The following ATP1A4 variants were observed in gnomAD, a reference collection of about 807,000 sequenced individuals.
The protein encoded by ATP1A4 is sodium/potassium-transporting ATPase subunit alpha-4.
Under a neutral mutation model 114.3 loss-of-function variants are expected in ATP1A4, and 90 were observed. That is an observed-to-expected ratio of 0.79 (90% confidence interval 0.66 to 0.94). ATP1A4 has a LOEUF of 0.94. Ranked by LOEUF, ATP1A4 falls within the 40% of genes least tolerant of loss-of-function variation. The probability of loss-of-function intolerance (pLI) is 0.00; values close to 1 mark genes in which losing one functional copy is unlikely to be tolerated. For synonymous variants in ATP1A4, 511 were observed against 494.1 expected, an observed-to-expected ratio of 1.03 and a Z score of -0.45; for missense variants, 1,222 against 1,313.6, an observed-to-expected ratio of 0.93 and a Z score of 1.08.
chr1:160,181,152 C>G (rs1305909991), intron 18 of ATP1A4, among the ~76,000 whole-genome samples: 1 of 152,164 alleles, frequency 6.6e-6, no homozygotes, highest in Non-Finnish European at 1.5e-5. Flanking sequence ...AAGGCAAGTG[C>G]TTGTTCTTGA....
At chr1:160,158,235 C>G (rs1223386149) in intron 4 of ATP1A4, among the ~76,000 whole-genome samples, 1 of 152,190 alleles carries the variant, frequency 6.6e-6, no homozygotes, top group South Asian at 2.1e-4. Flanking sequence ...ATCCACATGT[C>G]TGGGCCCTTA....
At chr1:160,159,639 G>T in intron 6 of ATP1A4, 113 bp downstream of exon 6, 2 of 902,056 alleles carry the variant, frequency 2.2e-6, no homozygotes, top group Non-Finnish European at 1.7e-6. Context: ...AAAAAGTCGA[G>T]CTTCTCCATC....
At chr1:160,177,442 C>G (rs920721512) in intron 17 of ATP1A4, 77 bp from the exon 18 acceptor site, 1 of 1,538,522 alleles carries the variant, frequency 6.5e-7, no homozygotes, top group Non-Finnish European at 8.9e-7. Context: ...GTCCCAGCCC[C>G]CAGCCCTCCC....
At chr1:160,183,973 G>A (rs1437149710) in intron 20 of ATP1A4, among the ~76,000 whole-genome samples, 1 of 131,962 alleles carries the variant, frequency 7.6e-6, no homozygotes, top group African/African-American at 2.8e-5. Context: ...TTTTTTTTGA[G>A]ATGGAGTGTC....
rs371081653 is a variant in ATP1A4, at chr1:160,167,034, G to C, written c.1313G>C (p.Arg438Pro). Residue 438 changes from arginine (R) to proline (P), a missense_variant, in exon 9 of 22, where the codon CGG becomes CCG. Arg to Pro is a moderately radical substitution (Grantham distance 103). Coordinates refer to ENST00000368081, the MANE Select transcript of ATP1A4 (RefSeq NM_144699.4). ...GCCCGAATCGCTGGCCTCTGCAACC[G>C]GGCTGACTTTAAGGCTAATCAGGAG... ...MLARIAGLCNRADFKANQEIL... is the reference protein window; with the variant it reads ...MLARIAGLCNPADFKANQEIL... The C allele has an allele frequency of 6.2e-7, 1 of 1,613,978 alleles. No homozygotes were observed. Among genetic ancestry groups the C allele is most frequent in the African/African-American group, 1.3e-5 (1 of 74,868 alleles).
intron 15 of ATP1A4, among the ~76,000 whole-genome samples, chr1:160,175,560 T>C (rs1191097353): frequency 1.3e-5 from 2 of 151,766 alleles, no homozygotes; most frequent in East Asian, 3.9e-4. Flanking sequence ...TTAAATTATA[T>C]AGTATGTTAA....
intron 3 of ATP1A4, 134 bp from the exon 4 acceptor site, chr1:160,155,911 A>C (rs1357766379): frequency 3.3e-6 from 2 of 611,172 alleles, no homozygotes; most frequent in Admixed American, 5.3e-5. Flanking sequence ...ATTCTTCTCT[A>C]CCCCTCTGCT....
intron 6 of ATP1A4, among the ~76,000 whole-genome samples, chr1:160,162,447 T>C (rs1338634097): frequency 1.3e-5 from 2 of 152,148 alleles, no homozygotes; most frequent in African/African-American, 4.8e-5. Flanking sequence ...GCCCAGCTGT[T>C]ATGGCCCGTG....
At chr1:160,174,849 A>ATGGAG in intron 15 of ATP1A4, 102 bp downstream of exon 15, 1 of 1,531,014 alleles carries the variant, frequency 6.5e-7, no homozygotes, top group Non-Finnish European at 8.8e-7. Context: ...AACCTCCATG[A>ATGGAG]GCCTGTACGG....
In ATP1A4 at chr1:160,174,590, G is replaced by A; in HGVS notation, c.2154G>A (p.Val718=). 3 of 1,613,852 alleles carry A rather than the reference G, an allele frequency of 1.9e-6. No individual in the cohort carries two copies. The highest frequency in any genetic ancestry group is 2.5e-6 in the Non-Finnish European group (3 of 1,179,758). Reference sequence around the variant, plus strand: ...CTGGACTTCCTCAGGGAGCCGTTGTGGCCGTGACAGGTGACGGGGTGAACG... The same window carrying A: ...CTGGACTTCCTCAGGGAGCCGTTGTAGCCGTGACAGGTGACGGGGTGAACG... ...VEGCQRLGAV[V]AVTGDGVNDS... Residue 718 remains valine, a synonymous_variant, in exon 15 of 22, where the codon GTG becomes GTA. Transcript: ENST00000368081.
intron 14 of ATP1A4, 78 bp downstream of exon 14, chr1:160,174,339 C>A: frequency 2.5e-6 from 4 of 1,588,644 alleles, no homozygotes; most frequent in South Asian, 2.3e-5. Context: ...AGCAGAGGAA[C>A]ATGTGGGCTG....
intron 18 of ATP1A4, among the ~76,000 whole-genome samples, chr1:160,180,296 G>A (rs1653633377): frequency 6.6e-6 from 1 of 152,154 alleles, no homozygotes; most frequent in Admixed American, 6.5e-5. Flanking sequence ...GCCACATCCC[G>A]TGGGGTTTGA....
Position 160,173,644 on chromosome 1 carries a change from A to G in ATP1A4, c.1918A>G (p.Ile640Val), listed in dbSNP as rs1460505080. The G allele has an allele frequency of 1.9e-6, 3 of 1,614,176 alleles. No individual in the cohort carries two copies. Among genetic ancestry groups the G allele is most frequent in the Non-Finnish European group, 2.5e-6 (3 of 1,180,022 alleles). ...AKAIAKGVGI[I>V]SEGTETAEEV... Reference sequence around the variant, plus strand: ...GGCCATTGCCAAGGGTGTGGGCATCATCTCAGAAGGCACTGAGACGGCAGA... The same window carrying G: ...GGCCATTGCCAAGGGTGTGGGCATCGTCTCAGAAGGCACTGAGACGGCAGA... The change falls in exon 13 of 22, where the codon ATC becomes GTC. Residue 640 changes from isoleucine (I) to valine (V), a missense_variant. Physicochemically the swap from Ile to Val is conservative, Grantham distance 29. Coordinates refer to ENST00000368081, the MANE Select transcript of ATP1A4 (RefSeq NM_144699.4).
At chr1:160,160,211 CT>C (rs1465364685) in intron 6 of ATP1A4, among the ~76,000 whole-genome samples, 1 of 152,014 alleles carries the variant, frequency 6.6e-6, no homozygotes, top group African/African-American at 2.4e-5. Context: ...AAAAATAGTT[CT>C]TTTGTTTGTT....
rs754497413 is a variant in ATP1A4 at position 160,156,067 on chromosome 1, C to G, written c.434C>G (p.Ser145Cys). ...KDNLYLSIVL[S>C]VVVIVTGCFS... ...CAGCTCTACCTGAGCATCGTACTGT[C>G]CGTCGTGGTCATCGTCACTGGCTGC... Residue 145 changes from serine to cysteine, a missense_variant, in exon 4 of 22, where the codon TCC becomes TGC. Ser to Cys is a moderately radical substitution (Grantham distance 112). Transcript: ENST00000368081. 6.2e-6 allele frequency: 10 copies of G among 1,613,524 alleles called. No homozygotes were observed. Among genetic ancestry groups the G allele is most frequent in the Non-Finnish European group, 8.5e-6 (10 of 1,179,446 alleles).
rs1156558223 is a variant in ATP1A4, at chr1:160,186,909, G to A, written c.*210G>A. 9 of 624,562 alleles carry A rather than the reference G, an allele frequency of 1.4e-5. No individual in the cohort carries two copies. The highest frequency in any genetic ancestry group is 9.1e-5 in the African/African-American group (5 of 54,868). The allele number at this position is 624,562 out of a possible 1,614,324, so 38.7% of individuals were successfully genotyped here. On this transcript the variant is annotated 3_prime_UTR_variant, in exon 22 of 22. Transcript: ENST00000368081. ...CCAGCCTGCATCTAGCTGGAGCCCC[G>A]CAGGGAGGGGCATGGTCCTGCTGAA...
At position 160,151,731 on chromosome 1, in the gene ATP1A4, C is replaced by T. The variant is rs1652460608; in HGVS notation, c.-310C>T. The T allele has an allele frequency of 3.8e-6, 1 of 266,454 alleles. No individual in the cohort carries two copies. The highest frequency in any genetic ancestry group is 7.2e-6 in the Non-Finnish European group (1 of 138,976). The allele number at this position is 266,454 out of a possible 1,614,324, so 16.5% of individuals were successfully genotyped here. ...TCTTGTTTCCTGCCCTCACTGCATT[C>T]CCTCACCTCTACCTTTTTATCCTTC... On this transcript the variant is annotated 5_prime_UTR_variant, in exon 1 of 22. Coordinates refer to ENST00000368081, the MANE Select transcript of ATP1A4 (RefSeq NM_144699.4).
In ATP1A4 at chr1:160,176,548, A is replaced by C; in HGVS notation, c.2536A>C (p.Lys846Gln). Residue 846 changes from lysine to glutamine, a missense_variant, in exon 17 of 22, where the codon AAG becomes CAG. Transcript: ENST00000368081. Reference sequence around the variant, plus strand: ...CATGAAGAGGCTTCCAAGGAACCCAAAGACGGATAATCTGGTGAACCACCG... The same window carrying C: ...CATGAAGAGGCTTCCAAGGAACCCACAGACGGATAATCTGGTGAACCACCG... ...DIMKRLPRNP[K>Q]TDNLVNHRLI... 6.2e-7 allele frequency: 1 copy of C among 1,614,176 alleles called. No homozygotes were observed. The highest frequency in any genetic ancestry group is 8.5e-7 in the Non-Finnish European group (1 of 1,180,038).
In ATP1A4 at chr1:160,174,797, G is replaced by T. The variant is rs562194226; in HGVS notation, c.2311+50G>T. ...GGAGACTTCAACCCTGGACTCAGGTGGGGGTTGGTGTACATCCCCTCTTTC... is the reference window on the plus strand; with the variant it reads ...GGAGACTTCAACCCTGGACTCAGGTTGGGGTTGGTGTACATCCCCTCTTTC... On this transcript the variant is annotated intron_variant, in intron 15 of 21. Coordinates refer to ENST00000368081, the MANE Select transcript of ATP1A4 (RefSeq NM_144699.4). 2.1e-4 allele frequency: 343 copies of T among 1,609,716 alleles called. 3 individuals are homozygous for T. In the South Asian group the frequency reaches 3.5e-3, roughly 16 times the overall value.
Sources: allele counts gnomAD v4.1 joint callset (sites outside exome capture counted in the v4.1 genomes callset), GRCh38; gene constraint gnomAD v4.1.1; transcripts MANE v1.5; gene names NCBI Gene and HGNC (gene_info 2026-07-23, HGNC 2026-07-21).